The following TADA2A variants were observed in gnomAD, a reference collection of about 807,000 sequenced individuals.
The protein encoded by TADA2A is transcriptional adaptor 2A.
In TADA2A, 38 loss-of-function variants were observed where a neutral mutation model predicts 67.4. The ratio of observed to expected loss-of-function variants is 0.56; its 90% CI spans 0.44 to 0.74. The LOEUF is 0.74. TADA2A is among the 30% of genes least tolerant of loss of function. The pLI, the probability that TADA2A is intolerant of heterozygous loss-of-function variation, is 0.00. For missense variants in TADA2A, 454 were observed against 547.0 expected, an observed-to-expected ratio of 0.83 and a Z score of 1.70; for synonymous variants, 192 against 181.6, an observed-to-expected ratio of 1.06 and a Z score of -0.46.
intron 11 of TADA2A, chr17:37,465,744 C>A: frequency 1.3e-6 from 1 of 756,542 alleles, no homozygotes; most frequent in Non-Finnish European, 2.0e-6. Context: ...TCCCCCATTG[C>A]CCCAGATAAA....
rs200355377 is a variant in TADA2A, at chr17:37,417,606, C to T, written c.26-5903C>T. 2.6e-5 allele frequency among the ~76,000 whole-genome samples: 4 copies of T among 152,126 alleles called. No individual in the cohort carries two copies. In the East Asian group the frequency reaches 7.8e-4, roughly 30 times the overall value. ...CTAGAGTGCAGTGGCATGATCTCAG[C>T]TCACTGCCATCTCTGCCTCCTAGGT... On this transcript the variant is annotated intron_variant, in intron 2 of 15. Coordinates refer to ENST00000615182, the MANE Select transcript of TADA2A (RefSeq NM_001166105.3).
chr17:37,411,222 C>T, intron 1 of TADA2A, 47 bp from the exon 2 acceptor site: 1 of 735,778 alleles, frequency 1.4e-6, no homozygotes, highest in Non-Finnish European at 2.4e-6. Context: ...TTATCTTGTC[C>T]CTTTGAATGA....
chr17:37,458,120 C>CTAGTGTGTG, intron 8 of TADA2A, among the ~76,000 whole-genome samples: 1 of 152,254 alleles, frequency 6.6e-6, no homozygotes, highest in East Asian at 1.9e-4. Context: ...TTGTTCCCCT[C>CTAGTGTGTG]TATGTGTCCG....
At chr17:37,431,491 T>A (rs1453127371) in intron 4 of TADA2A, among the ~76,000 whole-genome samples, 1 of 152,152 alleles carries the variant, frequency 6.6e-6, no homozygotes, top group Non-Finnish European at 1.5e-5. Flanking sequence ...GGTAATAAAT[T>A]TCCGTTTACC....
intron 5 of TADA2A, among the ~76,000 whole-genome samples, chr17:37,439,357 A>G (rs1417375442): frequency 6.6e-6 from 1 of 152,080 alleles, no homozygotes; most frequent in Non-Finnish European, 1.5e-5. Context: ...AGCTTGACTC[A>G]TTTCAGCTTC....
At position 37,435,266 on chromosome 17, in the gene TADA2A, TTTTG is replaced by T. The variant is rs559703316; in HGVS notation, c.193-2460_193-2457del. On this transcript the variant is annotated intron_variant, in intron 4 of 15. Transcript: ENST00000615182. ...CAATTTAAATACGAGACTACAAGAG[TTTTG>T]TTTGTTTGTTTTCTGTTTGTTTGTT... Among the ~76,000 whole-genome samples the T allele has an allele frequency of 4.0e-3, 607 of 151,788 alleles. 5 individuals carry two copies. The highest frequency in any genetic ancestry group is 3.0e-3 in the Non-Finnish European group (203 of 67,918).
intron 2 of TADA2A, among the ~76,000 whole-genome samples, chr17:37,412,079 CA>C (rs2147896682): frequency 6.6e-6 from 1 of 151,874 alleles, no homozygotes; most frequent in African/African-American, 2.4e-5. Flanking sequence ...GGCATGGTGG[CA>C]GGCGCCTGTA....
chr17:37,440,593 G>T lies in TADA2A; in HGVS notation c.373G>T (p.Ala125Ser). 1 of 1,614,094 alleles carries T rather than the reference G, an allele frequency of 6.2e-7. No homozygotes were observed. The highest frequency in any genetic ancestry group is 8.5e-7 in the Non-Finnish European group (1 of 1,180,018). Residue 125 changes from alanine to serine, a missense_variant, in exon 6 of 16, where the codon GCA (alanine) becomes TCA (serine). By Grantham distance (99) the Ala-to-Ser change is moderately conservative. Coordinates refer to ENST00000615182, the MANE Select transcript of TADA2A (RefSeq NM_001166105.3). ...GCATTTCATCAATAACCCTCTGTTT[G>T]CATCTACCCTGCTGAACCTGAAACA... ...MKHFINNPLF[A>S]STLLNLKQAE...
Position 37,477,715 on chromosome 17 carries a change from CAGCCTCCCAAAGTACT to C in TADA2A, c.*736_*751del, listed in dbSNP as rs2053917620. 1 of 152,094 alleles carries C rather than the reference CAGCCTCCCAAAGTACT, an allele frequency of 6.6e-6. No homozygotes were observed. The highest frequency in any genetic ancestry group is 1.5e-5 in the Non-Finnish European group (1 of 68,058). 9.4% of individuals were successfully genotyped at this position (152,094 alleles called of 1,614,324 possible). ...CTGACCTCAGGTGATCTGCCCGCCT[CAGCCTCCCAAAGTACT>C]AGGATTACAGGCGTGAGCCATCGCG... On this transcript the variant is annotated 3_prime_UTR_variant, in exon 16 of 16. Transcript: ENST00000615182.
intron 5 of TADA2A, among the ~76,000 whole-genome samples, chr17:37,438,888 G>A (rs908898347): frequency 6.6e-6 from 1 of 152,156 alleles, no homozygotes; most frequent in Non-Finnish European, 1.5e-5. Flanking sequence ...TGTGGGTAAG[G>A]CACTAAGTTT....
intron 9 of TADA2A, among the ~76,000 whole-genome samples, chr17:37,460,990 AG>A (rs1330976755): frequency 2.0e-5 from 3 of 151,998 alleles, no homozygotes; most frequent in African/African-American, 7.2e-5. Context: ...AAGAAAAAAA[AG>A]GGACTTGAGA....
intron 4 of TADA2A, among the ~76,000 whole-genome samples, chr17:37,430,995 C>T (rs1033729387): frequency 2.0e-5 from 3 of 152,022 alleles, no homozygotes; most frequent in African/African-American, 4.8e-5. Flanking sequence ...ATTCGTAGTA[C>T]GTGCTCAGAT....
At chr17:37,418,405 C>T (rs1182752797) in intron 2 of TADA2A, among the ~76,000 whole-genome samples, 3 of 152,014 alleles carry the variant, frequency 2.0e-5, no homozygotes, top group Non-Finnish European at 4.4e-5. Context: ...CAAAAAGGTA[C>T]CTCCTCAGAT....
At chr17:37,458,637 T>TTGTGTGTGTG (rs55935249) in intron 9 of TADA2A, 50 bp downstream of exon 9, 3 of 981,462 alleles carry the variant, frequency 3.1e-6, no homozygotes, top group East Asian at 3.1e-5. Context: ...GATTATTGTT[T>TTGTGTGTGTG]TGTGTGTGTG....
rs1257968591 is a variant in TADA2A at position 37,437,905 on chromosome 17, G to A, written c.284+76G>A. 18 of 1,357,992 alleles carry A rather than the reference G, an allele frequency of 1.3e-5. No individual in the cohort carries two copies. In the East Asian group the frequency reaches 4.1e-4, roughly 31 times the overall value. 84.1% of individuals were successfully genotyped at this position (1,357,992 alleles called of 1,614,324 possible). ...AGCTGTTGTTGAAGAGTAAAGGAAG[G>A]AACCTCAGGAAGAGAAAGTATGTGT... On this transcript the variant is annotated intron_variant, in intron 5 of 15. Coordinates refer to ENST00000615182, the MANE Select transcript of TADA2A (RefSeq NM_001166105.3).
At chr17:37,444,896 A>G (rs1248182762) in intron 8 of TADA2A, 128 bp downstream of exon 8, 11 of 852,934 alleles carry the variant, frequency 1.3e-5, no homozygotes, top group South Asian at 1.2e-4. Context: ...TCTAGTGGTT[A>G]AGTTGCTGAA....
At chr17:37,466,398 C>T (rs930244293) in intron 11 of TADA2A, among the ~76,000 whole-genome samples, 3 of 152,098 alleles carry the variant, frequency 2.0e-5, no homozygotes, top group African/African-American at 4.8e-5. Context: ...CCAGCCTGAG[C>T]GACAGAGTGA....
At chr17:37,452,352 G>C (rs1488740664) in intron 8 of TADA2A, among the ~76,000 whole-genome samples, 2 of 151,602 alleles carry the variant, frequency 1.3e-5, no homozygotes, top group African/African-American at 4.9e-5. Context: ...GCAGTGAGCT[G>C]AGATCATGCC....
intron 12 of TADA2A, among the ~76,000 whole-genome samples, chr17:37,469,376 G>GTAA (rs2053735986): frequency 6.6e-6 from 1 of 151,400 alleles, no homozygotes; most frequent in Non-Finnish European, 1.5e-5. Context: ...GCTCACACCT[G>GTAA]TAATCCCAGC....
Sources: allele counts gnomAD v4.1 joint callset (sites outside exome capture counted in the v4.1 genomes callset), GRCh38; gene constraint gnomAD v4.1.1; transcripts MANE v1.5; gene names NCBI Gene and HGNC (gene_info 2026-07-23, HGNC 2026-07-21).